CFAP54: variants seen among roughly 807,000 people sequenced by gnomAD.
CFAP54 encodes cilia and flagella associated protein 54, also known as cilia- and flagella-associated protein 54.
In CFAP54, 290 loss-of-function variants were observed where a neutral mutation model predicts 370.4. The observed-to-expected ratio is 0.78, with a 90% CI of 0.71 to 0.86. The LOEUF is 0.86. Among genes scored for constraint, CFAP54 ranks in the 40% least tolerant of loss-of-function variants. CFAP54 has a pLI of 0.00. For synonymous variants in CFAP54, 1,206 were observed against 1,236.5 expected (o/e 0.98, Z 0.52); for missense variants, 3,399 against 3,528.7 (o/e 0.96, Z 0.93).
At chr12:96,716,727 A>G (rs1461115096) in intron 48 of CFAP54, among the ~76,000 whole-genome samples, 2 of 152,192 alleles carry the variant, frequency 1.3e-5, no homozygotes, top group Non-Finnish European at 2.9e-5. Flanking sequence ...CTAGAAAGCC[A>G]TAGGGTGGCA....
chr12:96,580,323 T>C (rs539445142), intron 20 of CFAP54, among the ~76,000 whole-genome samples: 13 of 152,180 alleles, frequency 8.5e-5, no homozygotes, highest in African/African-American at 2.6e-4. Flanking sequence ...TATTAGAAAA[T>C]ATCTGTAAAT....
At chr12:96,588,545 G>T (rs908723550) in intron 22 of CFAP54, among the ~76,000 whole-genome samples, 1 of 152,146 alleles carries the variant, frequency 6.6e-6, no homozygotes, top group Non-Finnish European at 1.5e-5. Flanking sequence ...AAGCTTACTG[G>T]TTGGAGATCA....
chr12:96,764,315 C>T (rs181380356), intron 59 of CFAP54, 66 bp downstream of exon 59: 6 of 1,169,984 alleles, frequency 5.1e-6, no homozygotes, highest in African/African-American at 4.6e-5. Flanking sequence ...CTTTAAAGAA[C>T]ACAATATACC....
At chr12:96,535,059 T>C (rs1955488140) in intron 11 of CFAP54, among the ~76,000 whole-genome samples, 1 of 151,138 alleles carries the variant, frequency 6.6e-6, no homozygotes, top group South Asian at 2.1e-4. Context: ...TGTGTTTATT[T>C]ATTTATTTAT....
intron 66 of CFAP54, among the ~76,000 whole-genome samples, chr12:96,859,060 A>G (rs1466324644): frequency 1.3e-5 from 2 of 152,220 alleles, no homozygotes; most frequent in African/African-American, 4.8e-5. Context: ...AAACAGGCAC[A>G]TAGACCAATG....
chr12:96,604,788 A>G (rs377588987), intron 26 of CFAP54, among the ~76,000 whole-genome samples: 1 of 152,254 alleles, frequency 6.6e-6, no homozygotes, highest in South Asian at 2.1e-4. Context: ...CAAGCCAGGC[A>G]TGGGAGGGAA....
At chr12:96,847,440 A>G (rs1324822804) in intron 66 of CFAP54, among the ~76,000 whole-genome samples, 1 of 152,178 alleles carries the variant, frequency 6.6e-6, no homozygotes, top group East Asian at 1.9e-4. Flanking sequence ...GATTGATTAA[A>G]TCATCAGCTA....
chr12:96,509,802 C>G (rs936437983), intron 4 of CFAP54, among the ~76,000 whole-genome samples: 6 of 136,700 alleles, frequency 4.4e-5, no homozygotes, highest in African/African-American at 1.7e-4. Context: ...GGTGACAGAG[C>G]AAGTCTCCAT....
Position 96,693,802 on chromosome 12 carries a change from C to A in CFAP54, c.6345C>A (p.Ile2115=), listed in dbSNP as rs1957413284. The change falls in exon 45 of 68, where the codon ATC becomes ATA. Residue 2115 remains isoleucine (I), a synonymous_variant. Coordinates refer to ENST00000524981, the MANE Select transcript of CFAP54 (RefSeq NM_001306084.2). ...TAACAAGAAATCTAGAAGCAAGAAT[C>A]CTCAAGGTATGTTACAAGCTTTTAA... ...QDITRNLEAR[I]LKIEVLIDLR... 6.4e-7 allele frequency: 1 copy of A among 1,564,222 alleles called. No individual in the cohort carries two copies. The highest frequency in any genetic ancestry group is 8.8e-7 in the Non-Finnish European group (1 of 1,137,850).
chr12:96,518,518 C>G (rs1454446290), intron 5 of CFAP54, among the ~76,000 whole-genome samples: 1 of 152,156 alleles, frequency 6.6e-6, no homozygotes, highest in Admixed American at 6.6e-5. Flanking sequence ...AAAACCCCCT[C>G]TCTACTAAAA....
At chr12:96,769,267 C>T (rs1320554267) in intron 60 of CFAP54, among the ~76,000 whole-genome samples, 2 of 152,122 alleles carry the variant, frequency 1.3e-5, no homozygotes, top group African/African-American at 2.4e-5. Flanking sequence ...ATTTTGAATT[C>T]AAAGTAACAT....
intron 67 of CFAP54, among the ~76,000 whole-genome samples, chr12:96,870,224 G>A (rs973703452): frequency 4.6e-5 from 7 of 151,334 alleles, no homozygotes; most frequent in South Asian, 2.1e-4. Flanking sequence ...TCGCACCACC[G>A]CACTCCAGCC....
chr12:96,545,591 C>G (rs35471957), intron 14 of CFAP54, among the ~76,000 whole-genome samples: 8,856 of 152,262 alleles, frequency 0.058, 623 homozygotes, highest in African/African-American at 0.15. Flanking sequence ...TTAACCTATT[C>G]ATGTGAGGAG....
At chr12:96,561,715 A>G (rs1359560949) in intron 17 of CFAP54, among the ~76,000 whole-genome samples, 1 of 114,966 alleles carries the variant, frequency 8.7e-6, no homozygotes, top group Non-Finnish European at 1.7e-5. Flanking sequence ...ACACACACAC[A>G]CACACACACA....
chr12:96,612,936 C>G (rs1173797659), intron 26 of CFAP54, among the ~76,000 whole-genome samples: 1 of 152,080 alleles, frequency 6.6e-6, no homozygotes, highest in Non-Finnish European at 1.5e-5. Flanking sequence ...ACCTTAACAC[C>G]ACACTGTCAA....
intron 66 of CFAP54, among the ~76,000 whole-genome samples, chr12:96,833,997 C>T (rs1236167429): frequency 6.6e-6 from 1 of 152,116 alleles, no homozygotes; most frequent in Non-Finnish European, 1.5e-5. Flanking sequence ...GGTCTCACAG[C>T]TTGATAAAAG....
At chr12:96,774,391 A>G (rs1169754360) in intron 60 of CFAP54, among the ~76,000 whole-genome samples, 2 of 152,150 alleles carry the variant, frequency 1.3e-5, no homozygotes, top group African/African-American at 4.8e-5. Context: ...TCTTTAAATA[A>G]CTTATAGAAA....
intron 6 of CFAP54, 29 bp downstream of exon 6, chr12:96,519,100 G>T (rs1271606389): frequency 1.3e-5 from 20 of 1,488,296 alleles, no homozygotes; most frequent in Non-Finnish European, 1.8e-5. Context: ...CTGAGGAGTC[G>T]AGTTTTTTTT....
Position 96,757,548 on chromosome 12 carries a change from A to G in CFAP54, c.8000A>G (p.Lys2667Arg), listed in dbSNP as rs1481076328. 1 of 1,599,334 alleles carries G rather than the reference A, an allele frequency of 6.3e-7. No individual in the cohort carries two copies. The highest frequency in any genetic ancestry group is 1.1e-5 in the South Asian group (1 of 89,744). The change falls in exon 58 of 68, where the codon AAG (lysine) becomes AGG (arginine). Residue 2667 changes from lysine to arginine, a missense_variant. By Grantham distance (26) the Lys-to-Arg change is conservative. Around this residue, in one of 3 missense-constraint regions of CFAP54, gnomAD observed 2,796 missense variants for 2,869.7 expected, o/e 0.97. Transcript: ENST00000524981. Reference sequence around the variant, plus strand: ...GCTCTATTGTATTTTCATCTGAAGAAGCCAAAGATAAAAATTTCAGGATCA... The same window carrying G: ...GCTCTATTGTATTTTCATCTGAAGAGGCCAAAGATAAAAATTTCAGGATCA... ...EMALLYFHLK[K>R]PKIKISGSPL...
Sources: allele counts gnomAD v4.1 joint callset (sites outside exome capture counted in the v4.1 genomes callset), GRCh38; gene constraint gnomAD v4.1.1; regional missense constraint gnomAD v4.1.1; transcripts MANE v1.5; gene names NCBI Gene and HGNC (gene_info 2026-07-23, HGNC 2026-07-21).